Variants in AKAP17A observed in about 807,000 individuals in gnomAD.
AKAP17A encodes A-kinase anchor protein 17A.
In AKAP17A, 15 loss-of-function variants were observed where a neutral mutation model predicts 52.2. The ratio of observed to expected loss-of-function variants is 0.29; its 90% CI spans 0.19 to 0.44. The LOEUF is 0.44. Ranked by LOEUF, AKAP17A falls within the 20% of genes least tolerant of loss-of-function variation. The pLI is 1.00. For synonymous variants in AKAP17A, 514 were observed against 424.7 expected (o/e 1.21, Z -2.58); for missense variants, 1,060 against 1,007.0 (o/e 1.05, Z -0.71).
intron 2 of AKAP17A, among the ~76,000 whole-genome samples, chrX:1,594,927 T>C (rs1278397506): frequency 1.3e-5 from 2 of 152,166 alleles, no homozygotes; most frequent in Non-Finnish European, 1.5e-5. Context: ...TAGCCTCGTG[T>C]TTTGACCGTG....
chrX:1,597,288 G>A (rs1190314752), intron 3 of AKAP17A, among the ~76,000 whole-genome samples: 1 of 152,180 alleles, frequency 6.6e-6, no homozygotes, highest in Non-Finnish European at 1.5e-5. Flanking sequence ...AACCCCGAGG[G>A]CTCCTTAGGT....
intron 4 of AKAP17A, chrX:1,600,058 C>A: frequency 1.2e-6 from 1 of 869,030 alleles, no homozygotes; most frequent in Non-Finnish European, 1.7e-6. Flanking sequence ...ACGTCCCCGG[C>A]ACGCTCCTTG....
rs747409406 is a variant in AKAP17A at position 1,600,784 on chromosome X, C to T, written c.1278C>T (p.Gly426=). The T allele has an allele frequency of 4.4e-6, 7 of 1,581,426 alleles. No individual in the cohort carries two copies. In the South Asian group the frequency reaches 6.9e-5, roughly 15 times the overall value. ...RVEEEKERAL[G]LQRKERELRE... ...AGGAGGAGAAGGAGCGCGCGCTGGG[C>T]CTGCAGCGGAAAGAGCGGGAGCTGC... The change falls in exon 5 of 5, where the codon GGC becomes GGT. Residue 426 remains glycine, a synonymous_variant. Coordinates refer to ENST00000313871, the MANE Select transcript of AKAP17A (RefSeq NM_005088.3).
At chrX:1,599,619 T>C in intron 4 of AKAP17A, 187 bp downstream of exon 4, 1 of 867,864 alleles carries the variant, frequency 1.2e-6, no homozygotes, top group Non-Finnish European at 1.9e-6. Context: ...TCGTTCCCGA[T>C]GATTTCAGAG....
chrX:1,600,155 G>C lies in AKAP17A; in HGVS notation c.1153-504G>C, dbSNP rs1415371976. 3.1e-6 allele frequency: 4 copies of C among 1,304,070 alleles called. No individual in the cohort carries two copies. In the Admixed American group the frequency reaches 9.1e-5, roughly 30 times the overall value. 80.8% of individuals were successfully genotyped at this position (1,304,070 alleles called of 1,614,324 possible). A position where few individuals can be genotyped will look rare whatever the true frequency, so the allele number is the denominator to read the frequency against. On this transcript the variant is annotated intron_variant, in intron 4 of 4. Coordinates refer to ENST00000313871, the MANE Select transcript of AKAP17A (RefSeq NM_005088.3). ...GATTACAGTTGTGATAAGTCCCCGG[G>C]AAGGAGCATGACAAGAGGCTGAGAC...
At position 1,595,186 on chromosome X, in the gene AKAP17A, A is replaced by T. The variant is rs140890269; in HGVS notation, c.763-198A>T. On this transcript the variant is annotated intron_variant, in intron 2 of 4. Transcript: ENST00000313871. ...GGATGAGCTAAGTCTTGAGCCACTG[A>T]TGGTGACTTGAAGGGATTGGTTTGG... Among the ~76,000 whole-genome samples the T allele has an allele frequency of 2.8e-3, 422 of 151,846 alleles. 1 individual carries two copies. The highest frequency in any genetic ancestry group is 9.9e-3 in the African/African-American group (408 of 41,396).
intron 3 of AKAP17A, among the ~76,000 whole-genome samples, chrX:1,596,122 C>G (rs1226548482): frequency 6.6e-6 from 1 of 151,790 alleles, no homozygotes; most frequent in Non-Finnish European, 1.5e-5. Flanking sequence ...CTGTTCACAC[C>G]TCCCGCTGAA....
At position 1,591,671 on chromosome X, in the gene AKAP17A, C is replaced by T. The variant is rs1205358083; in HGVS notation, c.-118C>T. The T allele has an allele frequency of 6.6e-6, 1 of 151,934 alleles. No homozygotes were observed. 9.4% of individuals were successfully genotyped at this position (151,934 alleles called of 1,614,324 possible). ...CGCCTCCGGGGGACGGTGGCGGCTC[C>T]CGGCGGTGAGGCCGCGCCTGTCCGG... On this transcript the variant is annotated 5_prime_UTR_variant, in exon 1 of 5. Transcript: ENST00000313871.
intron 1 of AKAP17A, 50 bp from the exon 2 acceptor site, chrX:1,593,394 C>CGGGGGAGGT: frequency 2.6e-6 from 4 of 1,545,324 alleles, no homozygotes; most frequent in Non-Finnish European, 3.5e-6. Context: ...TCCTCATTGG[C>CGGGGGAGGT]GGGGGAGGTG....
In AKAP17A at chrX:1,593,856, C is replaced by G. The variant is rs371594911; in HGVS notation, c.394C>G (p.Arg132Gly). The G allele has an allele frequency of 6.2e-7, 1 of 1,612,428 alleles. No individual in the cohort carries two copies. Among genetic ancestry groups the G allele is most frequent in the Non-Finnish European group, 8.5e-7 (1 of 1,179,070 alleles). Residue 132 changes from arginine to glycine, a missense_variant, in exon 2 of 5, where the codon CGC becomes GGC. This residue lies in a region of AKAP17A where 267 missense variants were observed against 377.1 expected (regional missense o/e 0.71). Transcript: ENST00000313871. ...PTRHDWDSFF[R>G]DAKDMNETLP... ...CCGCCACGACTGGGACTCCTTCTTCCGCGACGCCAAGGACATGAACGAGAC... is the reference window on the plus strand; with the variant it reads ...CCGCCACGACTGGGACTCCTTCTTCGGCGACGCCAAGGACATGAACGAGAC...
rs756248294 is a variant in AKAP17A at position 1,601,239 on chromosome X, A to G, written c.1733A>G (p.Lys578Arg). 6.2e-7 allele frequency: 1 copy of G among 1,613,792 alleles called. No homozygotes were observed. The highest frequency in any genetic ancestry group is 8.5e-7 in the Non-Finnish European group (1 of 1,179,758). Residue 578 changes from lysine (K) to arginine (R), a missense_variant, in exon 5 of 5, where the codon AAG becomes AGG. By Grantham distance (26) the Lys-to-Arg change is conservative (BLOSUM62 2). This residue lies in a region of AKAP17A where 793 missense variants were observed against 629.9 expected (regional missense o/e 1.26). Transcript: ENST00000313871. ...AAGGACACCCGGTCAGAACAGGACA[A>G]GTGCAACCGGGAGCCCAGCAAGGGC... ...SRKDTRSEQD[K>R]CNREPSKGRG...
At chrX:1,596,183 C>G (rs1234397991) in intron 3 of AKAP17A, among the ~76,000 whole-genome samples, 1 of 137,254 alleles carries the variant, frequency 7.3e-6, no homozygotes, top group Non-Finnish European at 1.5e-5. Flanking sequence ...GTTGAGGCTA[C>G]ATTTACAAAA....
Position 1,599,240 on chromosome X carries a change from G to C in AKAP17A, c.960G>C (p.Glu320Asp). 6.2e-7 allele frequency: 1 copy of C among 1,612,708 alleles called. No individual in the cohort carries two copies. The highest frequency in any genetic ancestry group is 8.5e-7 in the Non-Finnish European group (1 of 1,179,860). ...TGGAGCGAGAGAGGAAAAGAGAAGA[G>C]AAGCTTCGCAAGAGGGAGCAGAAGC... ...EELERERKRE[E>D]KLRKREQKQR... is the part of the protein sequence containing the mutation. The change falls in exon 4 of 5, where the codon GAG (glutamate) becomes GAC (aspartate). Residue 320 changes from glutamate to aspartate, a missense_variant. Coordinates refer to ENST00000313871, the MANE Select transcript of AKAP17A (RefSeq NM_005088.3).
In AKAP17A at chrX:1,600,628, G is replaced by C; in HGVS notation, c.1153-31G>C. Reference sequence around the variant, plus strand: ...ACGTGTCCGGCCAGGCTCAGGAACCGGGCTCAGCTGCACTTTCCTCTTCCC... The same window carrying C: ...ACGTGTCCGGCCAGGCTCAGGAACCCGGCTCAGCTGCACTTTCCTCTTCCC... On this transcript the variant is annotated intron_variant, in intron 4 of 4. Coordinates refer to ENST00000313871, the MANE Select transcript of AKAP17A (RefSeq NM_005088.3). The C allele has an allele frequency of 2.0e-6, 3 of 1,501,516 alleles. No individual in the cohort carries two copies. The South Asian group carries it at 3.8e-5, about 19-fold the overall frequency. 93.0% of individuals were successfully genotyped at this position (1,501,516 alleles called of 1,614,324 possible).
chrX:1,599,376 G>A lies in AKAP17A; in HGVS notation c.1096G>A (p.Ala366Thr), dbSNP rs760695116. ...GCTGGAGGAGCGCAAGCTGCTGCTGGCCCAGAGGAACCTGCAGTCCATCCG... is the reference window on the plus strand; with the variant it reads ...GCTGGAGGAGCGCAAGCTGCTGCTGACCCAGAGGAACCTGCAGTCCATCCG... ...IKLEERKLLL[A>T]QRNLQSIRLI... is the part of the protein sequence containing the mutation. The change falls in exon 4 of 5, where the codon GCC (alanine) becomes ACC (threonine). Residue 366 changes from alanine (A) to threonine (T), a missense_variant. Ala to Thr is a moderately conservative substitution (Grantham distance 58, BLOSUM62 0). Coordinates refer to ENST00000313871, the MANE Select transcript of AKAP17A (RefSeq NM_005088.3). 6.9e-6 allele frequency: 11 copies of A among 1,583,780 alleles called. No homozygotes were observed. The highest frequency in any genetic ancestry group is 4.3e-6 in the Non-Finnish European group (5 of 1,166,320).
intron 4 of AKAP17A, chrX:1,600,435 T>G: frequency 1.6e-6 from 1 of 636,634 alleles, no homozygotes; most frequent in South Asian, 2.0e-5. Context: ...TCCTTCTCAC[T>G]CAGACGCATG....
chrX:1,598,271 G>C (rs1355970920), intron 3 of AKAP17A, among the ~76,000 whole-genome samples: 2 of 152,172 alleles, frequency 1.3e-5, no homozygotes, highest in Non-Finnish European at 2.9e-5. Flanking sequence ...AGACCGTGTG[G>C]ATCACTGTCT....
At position 1,601,552 on chromosome X, in the gene AKAP17A, C is replaced by T; in HGVS notation, c.2046C>T (p.Arg682=). 1.4e-6 allele frequency: 2 copies of T among 1,467,436 alleles called. No individual in the cohort carries two copies. The highest frequency in any genetic ancestry group is 1.8e-6 in the Non-Finnish European group (2 of 1,118,844). The allele number at this position is 1,467,436 out of a possible 1,614,324, so 90.9% of individuals were successfully genotyped here. A position where few individuals can be genotyped will look rare whatever the true frequency, so the allele number is the denominator to read the frequency against. Residue 682 remains arginine (R), a synonymous_variant, in exon 5 of 5, where the codon CGC becomes CGT. Coordinates refer to ENST00000313871, the MANE Select transcript of AKAP17A (RefSeq NM_005088.3). ...ACCGCCGCCGAAGCGAGCGGTCGCGCTCCCGGTCCCCGAGCAGGCACCGCA... is the reference window on the plus strand; with the variant it reads ...ACCGCCGCCGAAGCGAGCGGTCGCGTTCCCGGTCCCCGAGCAGGCACCGCA... ...SRHRRRSERS[R]SRSPSRHRST...
At chrX:1,594,300 T>C in intron 2 of AKAP17A, 76 bp downstream of exon 2, 160 of 1,466,262 alleles carry the variant, frequency 1.1e-4, no homozygotes, top group Middle Eastern at 2.4e-4. Flanking sequence ...AGCAGAACGC[T>C]CCCAGCCACA....
Sources: gnomAD v4.1 joint callset for allele counts (sites outside exome capture counted in the v4.1 genomes callset) on GRCh38, gnomAD v4.1.1 for gene constraint, gnomAD v4.1.1 regional missense constraint, MANE v1.5 for transcripts, NCBI Gene and HGNC (gene_info 2026-07-23, HGNC 2026-07-21) for gene names.